Variants in CFAP47 observed in about 807,000 individuals in gnomAD.
The protein encoded by CFAP47 is cilia and flagella associated protein 47.
CFAP47 carries 29 observed loss-of-function variants against 148.1 expected under a neutral mutation model. That is an observed-to-expected ratio of 0.20 (90% CI 0.15 to 0.27). The LOEUF is 0.27. CFAP47 is among the 10% of genes least tolerant of loss of function. CFAP47 has a pLI of 1.00. For synonymous variants in CFAP47, 664 were observed against 577.3 expected (o/e 1.15, Z -2.15); for missense variants, 1,872 against 1,697.5 (o/e 1.10, Z -1.81).
At chrX:36,111,864 C>A (rs1938560865) in intron 33 of CFAP47, among the ~76,000 whole-genome samples, 1 of 111,647 alleles carries the variant, frequency 9.0e-6, no homozygotes, top group Non-Finnish European at 1.9e-5. Context: ...GGAATTTATC[C>A]ATGTATTCTA....
chrX:36,027,141 A>G (rs1287432280), intron 22 of CFAP47, among the ~76,000 whole-genome samples: 2 of 103,080 alleles, frequency 1.9e-5, no homozygotes, highest in African/African-American at 7.0e-5. Flanking sequence ...TATATATATG[A>G]TTATATATAT....
intron 1 of CFAP47, among the ~76,000 whole-genome samples, 200 bp from the exon 2 acceptor site, chrX:35,925,817 C>G (rs762656534): frequency 4.5e-5 from 5 of 111,639 alleles, no homozygotes; most frequent in African/African-American, 9.8e-5. Context: ...CCACCACGCC[C>G]GGCTAGTTTT....
At chrX:36,254,944 A>C in intron 49 of CFAP47, among the ~76,000 whole-genome samples, 1 of 111,920 alleles carries the variant, frequency 8.9e-6, no homozygotes, top group Non-Finnish European at 1.9e-5. Flanking sequence ...TTGTGAGGGC[A>C]CTGACAGCAT....
rs782108941 is a variant in CFAP47 at position 36,251,404 on chromosome X, C to T, written c.7404C>T (p.Tyr2468=). 1.2e-5 allele frequency: 6 copies of T among 505,729 alleles called. No homozygotes were observed. The highest frequency in any genetic ancestry group is 2.7e-5 in the Admixed American group (1 of 36,794). The allele number at this position is 505,729 out of a possible 1,213,427, so 41.7% of individuals were successfully genotyped here. A position where few individuals can be genotyped will look rare whatever the true frequency, so the allele number is the denominator to read the frequency against. The stretch of plus-strand genomic sequence containing the variant: ...TATACCCTTATAAAGAAATTCTGTA[C>T]CTGATTCATGTGCGCCCTTGGAAAC... ...ITVYPYKEIL[Y]LIHVRPWKRG... Residue 2468 remains tyrosine, a synonymous_variant, in exon 49 of 64, where the codon TAC becomes TAT. Transcript: ENST00000378653.
intron 46 of CFAP47, among the ~76,000 whole-genome samples, chrX:36,232,097 G>A (rs5973616): frequency 1.6e-4 from 18 of 111,096 alleles, no homozygotes; most frequent in African/African-American, 5.6e-4. Flanking sequence ...GTCTCTGCCC[G>A]GCTTTGGTAT....
intron 35 of CFAP47, among the ~76,000 whole-genome samples, chrX:36,142,798 TG>T (rs1186448132): frequency 9.0e-6 from 1 of 111,044 alleles, no homozygotes; most frequent in Non-Finnish European, 1.9e-5. Context: ...TACTAAAACA[TG>T]GTTCAAAAGA....
chrX:36,290,732 A>C (rs1317890295), intron 51 of CFAP47, among the ~76,000 whole-genome samples: 1 of 112,541 alleles, frequency 8.9e-6, no homozygotes, highest in East Asian at 2.8e-4. Context: ...GTAGCCCCTA[A>C]AGGACACAGC....
rs148623738 is a variant in CFAP47, at chrX:35,983,336, A to G, written c.2714-5983A>G. On this transcript the variant is annotated intron_variant, in intron 15 of 63. Transcript: ENST00000378653. ...TTTGCTGAAGTTGTTTATCCAATCT[A>G]GGTGTATTTGGGCAGAGACTATGGG... 4.8e-3 allele frequency among the ~76,000 whole-genome samples: 540 copies of G among 111,901 alleles called. 3 individuals carry two copies. Among genetic ancestry groups the G allele is most frequent in the African/African-American group, 0.017 (514 of 30,790 alleles).
chrX:35,998,472 CAT>C (rs1936874574), intron 19 of CFAP47, among the ~76,000 whole-genome samples: 1 of 111,307 alleles, frequency 9.0e-6, no homozygotes, highest in Non-Finnish European at 1.9e-5. Flanking sequence ...GAGCAGTTGT[CAT>C]ATTATTTTGG....
intron 26 of CFAP47, among the ~76,000 whole-genome samples, chrX:36,059,500 T>A (rs767895009): frequency 8.9e-6 from 1 of 111,797 alleles, no homozygotes; most frequent in Non-Finnish European, 1.9e-5. Context: ...TGATTAGAAA[T>A]AATTTTTCTT....
chrX:36,316,019 G>C (rs1255815556), intron 56 of CFAP47, among the ~76,000 whole-genome samples: 1 of 111,573 alleles, frequency 9.0e-6, no homozygotes, highest in Non-Finnish European at 1.9e-5. Flanking sequence ...TTAACAACTT[G>C]TTCACGATCA....
intron 1 of CFAP47, among the ~76,000 whole-genome samples, chrX:35,924,320 T>C (rs754336437): frequency 1.6e-4 from 17 of 106,600 alleles, no homozygotes; most frequent in South Asian, 7.8e-4. Flanking sequence ...TATGTACATG[T>C]ATGTGTATAT....
At chrX:36,220,989 T>C (rs1204857097) in intron 45 of CFAP47, among the ~76,000 whole-genome samples, 1 of 111,431 alleles carries the variant, frequency 9.0e-6, no homozygotes, top group African/African-American at 3.3e-5. Context: ...CACTCATGAG[T>C]AAAGATGAAA....
intron 57 of CFAP47, among the ~76,000 whole-genome samples, chrX:36,325,354 GAC>G (rs1941509947): frequency 9.0e-6 from 1 of 111,722 alleles, no homozygotes; most frequent in African/African-American, 3.3e-5. Context: ...AGAACTCACA[GAC>G]AGTACGTGCT....
intron 15 of CFAP47, chrX:35,985,926 C>T (rs754298090): frequency 5.9e-6 from 2 of 337,510 alleles, no homozygotes; most frequent in Non-Finnish European, 1.2e-5. Flanking sequence ...TTATTTAATC[C>T]CCACAATGTG....
intron 59 of CFAP47, among the ~76,000 whole-genome samples, chrX:36,353,315 A>AATTTT (rs1941758514): frequency 9.0e-6 from 1 of 111,176 alleles, no homozygotes; most frequent in East Asian, 2.8e-4. Context: ...CTATTTTTAC[A>AATTTT]TAGTCTTTAA....
intron 22 of CFAP47, among the ~76,000 whole-genome samples, chrX:36,025,199 ATT>A (rs1387095714): frequency 1.8e-5 from 2 of 111,001 alleles, no homozygotes; most frequent in East Asian, 5.7e-4. Context: ...TTTTGGAGAG[ATT>A]CTCAAAATGG....
At chrX:36,268,141 C>T (rs782365910) in intron 49 of CFAP47, among the ~76,000 whole-genome samples, 1 of 113,423 alleles carries the variant, frequency 8.8e-6, no homozygotes, top group African/African-American at 3.2e-5. Flanking sequence ...GATGATCTGT[C>T]CTCTGATTGC....
chrX:36,061,260 A>G lies in CFAP47; in HGVS notation c.4218-4383A>G, dbSNP rs761734061. 2.7e-5 allele frequency among the ~76,000 whole-genome samples: 3 copies of G among 111,728 alleles called. 1 individual carries two copies. In the South Asian group the frequency reaches 1.1e-3, roughly 42 times the overall value. The stretch of plus-strand genomic sequence containing the variant: ...GGCCTCCCCAGGCATGCCCTCCTGT[A>G]CAGCGTGCAGAACTGTGAGTCTATT... On this transcript the variant is annotated intron_variant, in intron 26 of 63. Transcript: ENST00000378653.
Sources: allele counts gnomAD v4.1 joint callset (sites outside exome capture counted in the v4.1 genomes callset), GRCh38; gene constraint gnomAD v4.1.1; transcripts MANE v1.5; gene names NCBI Gene and HGNC (gene_info 2026-07-23, HGNC 2026-07-21).